Variants in FLRT2 observed in about 807,000 individuals in gnomAD.
FLRT2 encodes fibronectin leucine rich transmembrane protein 2.
In FLRT2, 15 loss-of-function variants were observed where a neutral mutation model predicts 40.0. The observed-to-expected ratio is 0.38, with a 90% confidence interval of 0.25 to 0.58. The LOEUF is 0.58. FLRT2 is among the 20% of genes least tolerant of loss of function. The probability of loss-of-function intolerance (pLI) is 0.71; values close to 1 mark genes in which losing one functional copy is unlikely to be tolerated. For missense variants in FLRT2, 726 were observed against 840.0 expected, an observed-to-expected ratio of 0.86 and a Z score of 1.68; for synonymous variants, 380 against 336.8, an observed-to-expected ratio of 1.13 and a Z score of -1.41.
rs1894087889 is a variant in FLRT2 at position 85,639,285 on chromosome 14, G to A, written c.*15788G>A. 6.6e-6 allele frequency: 1 copy of A among 152,288 alleles called. No homozygotes were observed. The highest frequency in any genetic ancestry group is 1.9e-4 in the East Asian group (1 of 5,178). 9.4% of individuals were successfully genotyped at this position (152,288 alleles called of 1,614,324 possible). On this transcript the variant is annotated 3_prime_UTR_variant, in exon 2 of 2. Transcript: ENST00000330753. ...TAACCGGATGGCAAGTTGTTTATGA[G>A]CATGCCTTCTCGTTAAGTTGACAAA...
intron 1 of FLRT2, among the ~76,000 whole-genome samples, chr14:85,537,595 AAAAC>A (rs1888736479): frequency 6.6e-6 from 1 of 150,884 alleles, no homozygotes. Flanking sequence ...TGTTTATAGT[AAAAC>A]ACACACACAC....
intron 1 of FLRT2, among the ~76,000 whole-genome samples, chr14:85,619,081 T>G (rs1893266357): frequency 6.7e-6 from 1 of 150,128 alleles, no homozygotes; most frequent in Non-Finnish European, 1.5e-5. Context: ...AAATAATGCT[T>G]GACTTTTTTT....
chr14:85,628,662 A>G lies in FLRT2; in HGVS notation c.*5165A>G, dbSNP rs1357086575. On this transcript the variant is annotated 3_prime_UTR_variant, in exon 2 of 2. Coordinates refer to ENST00000330753, the MANE Select transcript of FLRT2 (RefSeq NM_013231.6). ...TAATGTATTTGACAGAGATTGAATC[A>G]GGAAATAAATTCATGACATTTCAGT... The G allele has an allele frequency of 6.6e-6, 1 of 152,224 alleles. No individual in the cohort carries two copies. Among genetic ancestry groups the G allele is most frequent in the East Asian group, 1.9e-4 (1 of 5,200 alleles). 9.4% of individuals were successfully genotyped at this position (152,224 alleles called of 1,614,324 possible).
chr14:85,623,145 C>A lies in FLRT2; in HGVS notation c.1631C>A (p.Ala544Glu). 1 of 1,594,452 alleles carries A rather than the reference C, an allele frequency of 6.3e-7. No homozygotes were observed. Among genetic ancestry groups the A allele is most frequent in the Non-Finnish European group, 8.5e-7 (1 of 1,169,628 alleles). Residue 544 changes from alanine (A) to glutamate (E), a missense_variant, in exon 2 of 2, where the codon GCG becomes GAG. Around this residue, in one of 3 missense-constraint regions of FLRT2, gnomAD observed 611 missense variants for 690.0 expected, o/e 0.89. Transcript: ENST00000330753. The part of the protein sequence containing the change: ...SHSMGSPFLL[A>E]GLIGGAVIFV... ...AGCATGGGCTCCCCCTTTCTGCTGG[C>A]GGGCTTGATCGGGGGCGCGGTGATA...
At position 85,624,762 on chromosome 14, in the gene FLRT2, A is replaced by G. The variant is rs1893599901; in HGVS notation, c.*1265A>G. On this transcript the variant is annotated 3_prime_UTR_variant, in exon 2 of 2. Coordinates refer to ENST00000330753, the MANE Select transcript of FLRT2 (RefSeq NM_013231.6). ...TGGCTGCACAAGATATCCATTACGT[A>G]CTTATACATTTTAAAATGAGTACTA... The G allele has an allele frequency of 1.2e-5, 2 of 167,034 alleles. No individual in the cohort carries two copies. The highest frequency in any genetic ancestry group is 2.9e-5 in the Non-Finnish European group (2 of 68,126). The allele number at this position is 167,034 out of a possible 1,614,324, so 10.3% of individuals were successfully genotyped here.
At position 85,530,304 on chromosome 14, in the gene FLRT2, G is replaced by C. The variant is rs1309184983; in HGVS notation, c.-607G>C. ...GGTGCGCCTCTGGTCCTCCGTCCCT[G>C]GTGCCCAGCAGCGGCGAGGCGGCAT... On this transcript the variant is annotated 5_prime_UTR_variant, in exon 1 of 2. Transcript: ENST00000330753. The C allele has an allele frequency of 1.3e-5, 2 of 152,648 alleles. No homozygotes were observed. The highest frequency in any genetic ancestry group is 3.9e-4 in the East Asian group (2 of 5,156). 9.5% of individuals were successfully genotyped at this position (152,648 alleles called of 1,614,324 possible).
At chr14:85,605,691 A>AC (rs1892575784) in intron 1 of FLRT2, among the ~76,000 whole-genome samples, 1 of 152,012 alleles carries the variant, frequency 6.6e-6, no homozygotes, top group South Asian at 2.1e-4. Context: ...AATGGCATGA[A>AC]CTGGAGCTCG....
At chr14:85,589,961 C>T (rs1160593214) in intron 1 of FLRT2, among the ~76,000 whole-genome samples, 1 of 151,874 alleles carries the variant, frequency 6.6e-6, no homozygotes, top group Non-Finnish European at 1.5e-5. Flanking sequence ...GTCTCTGTGT[C>T]AGTTTTTATG....
rs909508375 is a variant in FLRT2 at position 85,634,482 on chromosome 14, G to C, written c.*10985G>C. On this transcript the variant is annotated 3_prime_UTR_variant, in exon 2 of 2. Transcript: ENST00000330753. ...CTGAAGTAAGGAGGAAGCAGGAAGT[G>C]AGCTGTTTTGTAATGGAGGCCAATT... The C allele has an allele frequency of 7.2e-5, 11 of 152,172 alleles. No homozygotes were observed. The highest frequency in any genetic ancestry group is 1.3e-4 in the Non-Finnish European group (9 of 68,040). The allele number at this position is 152,172 out of a possible 1,614,324, so 9.4% of individuals were successfully genotyped here. A position where few individuals can be genotyped will look rare whatever the true frequency, so the allele number is the denominator to read the frequency against.
chr14:85,595,606 G>T (rs1892102563), intron 1 of FLRT2, among the ~76,000 whole-genome samples: 1 of 152,130 alleles, frequency 6.6e-6, no homozygotes, highest in South Asian at 2.1e-4. Flanking sequence ...AAATGTGGAA[G>T]AAAGAACCCT....
At chr14:85,549,931 A>G (rs1269377303) in intron 1 of FLRT2, among the ~76,000 whole-genome samples, 1 of 151,058 alleles carries the variant, frequency 6.6e-6, no homozygotes, top group Admixed American at 6.6e-5. Context: ...TTTTAACAAT[A>G]TTTATTTCTG....
At chr14:85,594,562 G>A (rs1892047111) in intron 1 of FLRT2, among the ~76,000 whole-genome samples, 1 of 152,166 alleles carries the variant, frequency 6.6e-6, no homozygotes, top group African/African-American at 2.4e-5. Context: ...TCAATAAACA[G>A]TTGAGAACTT....
chr14:85,570,775 C>T (rs930399607), intron 1 of FLRT2, among the ~76,000 whole-genome samples: 8 of 151,358 alleles, frequency 5.3e-5, no homozygotes, highest in Non-Finnish European at 8.8e-5. Context: ...TTAGTAGAGA[C>T]GGGGTTTCAC....
At chr14:85,535,918 TTTTGTTGTTGTTG>T (rs1482610373) in intron 1 of FLRT2, among the ~76,000 whole-genome samples, 6 of 61,718 alleles carry the variant, frequency 9.7e-5, no homozygotes, top group African/African-American at 5.7e-4. Flanking sequence ...TTTTTTTTTT[TTTTGTTGTTGTTG>T]TTGTTGTTGT....
intron 1 of FLRT2, among the ~76,000 whole-genome samples, chr14:85,617,577 C>T (rs1290454673): frequency 6.6e-6 from 1 of 152,022 alleles, no homozygotes; most frequent in East Asian, 1.9e-4. Flanking sequence ...CTTCATTATT[C>T]AGTAGGAACC....
chr14:85,579,336 G>A (rs748558952), intron 1 of FLRT2, among the ~76,000 whole-genome samples: 1 of 152,086 alleles, frequency 6.6e-6, no homozygotes, highest in Non-Finnish European at 1.5e-5. Flanking sequence ...AAAGACCGGG[G>A]GAATTGGTCT....
chr14:85,613,336 G>A (rs1035090718), intron 1 of FLRT2, among the ~76,000 whole-genome samples: 1 of 152,090 alleles, frequency 6.6e-6, no homozygotes, highest in Non-Finnish European at 1.5e-5. Context: ...TAAGAGCATG[G>A]AATTTGATGT....
At chr14:85,549,875 C>T (rs1889508882) in intron 1 of FLRT2, among the ~76,000 whole-genome samples, 1 of 150,014 alleles carries the variant, frequency 6.7e-6, no homozygotes, top group Non-Finnish European at 1.5e-5. Context: ...TACCATTCTC[C>T]TAAAGGGCCT....
chr14:85,548,674 A>G (rs1358707488), intron 1 of FLRT2, among the ~76,000 whole-genome samples: 1 of 152,200 alleles, frequency 6.6e-6, no homozygotes, highest in African/African-American at 2.4e-5. Flanking sequence ...TATTATCTCC[A>G]TGATTGTATT....
Sources: gnomAD v4.1 joint callset for allele counts (sites outside exome capture counted in the v4.1 genomes callset) on GRCh38, gnomAD v4.1.1 for gene constraint, gnomAD v4.1.1 regional missense constraint, MANE v1.5 for transcripts, NCBI Gene and HGNC (gene_info 2026-07-23, HGNC 2026-07-21) for gene names.